The following PXDNL variants were observed in gnomAD, a reference collection of about 807,000 sequenced individuals.
The protein encoded by PXDNL is peroxidasin like.
In PXDNL, 145 loss-of-function variants were observed where a neutral mutation model predicts 150.8. The ratio of observed to expected loss-of-function variants is 0.96; its 90% CI spans 0.84 to 1.10. PXDNL has a LOEUF of 1.10. Among genes scored for constraint, PXDNL ranks in the 50% least tolerant of loss-of-function variants. The pLI, the probability that PXDNL is intolerant of heterozygous loss-of-function variation, is 0.00. For missense variants in PXDNL, 2,087 were observed against 1,873.9 expected (o/e 1.11, Z -2.10); for synonymous variants, 757 against 725.7 (o/e 1.04, Z -0.69).
At chr8:51,409,656 C>G in intron 16 of PXDNL, 95 bp from the exon 17 acceptor site, 1 of 1,028,446 alleles carries the variant, frequency 9.7e-7, no homozygotes, top group East Asian at 2.8e-5. Flanking sequence ...CCTCCCACCC[C>G]GCCCGCCCTG....
intron 1 of PXDNL, among the ~76,000 whole-genome samples, chr8:51,665,002 C>G (rs907658662): frequency 6.6e-6 from 1 of 152,202 alleles, no homozygotes; most frequent in Non-Finnish European, 1.5e-5. Flanking sequence ...TGGGAGCACC[C>G]GCACAGGAGG....
chr8:51,591,030 G>T (rs947229939), intron 3 of PXDNL, among the ~76,000 whole-genome samples: 4 of 152,200 alleles, frequency 2.6e-5, no homozygotes, highest in African/African-American at 9.7e-5. Context: ...CTATTAAGAA[G>T]TGATTAGGTC....
At chr8:51,690,785 C>A (rs7461032) in intron 1 of PXDNL, among the ~76,000 whole-genome samples, 112,072 of 149,972 alleles carry the variant, frequency 0.75, 41,997 homozygotes, top group East Asian at 0.82. Context: ...CAGTCCCACC[C>A]ACAGTGTAAA....
intron 1 of PXDNL, among the ~76,000 whole-genome samples, chr8:51,681,191 G>A (rs1815742892): frequency 6.6e-6 from 1 of 152,098 alleles, no homozygotes; most frequent in South Asian, 2.1e-4. Flanking sequence ...GAAAGAAGGA[G>A]GTTTCTTCAG....
At chr8:51,598,577 C>A (rs904482214) in intron 2 of PXDNL, among the ~76,000 whole-genome samples, 1 of 151,954 alleles carries the variant, frequency 6.6e-6, no homozygotes, top group East Asian at 1.9e-4. Context: ...ATCTTGAATC[C>A]CAGAAATGAA....
chr8:51,715,937 G>A (rs1394427174), intron 1 of PXDNL, among the ~76,000 whole-genome samples: 1 of 152,092 alleles, frequency 6.6e-6, no homozygotes, highest in Non-Finnish European at 1.5e-5. Context: ...CAGTCCACTT[G>A]GAAGAATCTT....
chr8:51,796,700 A>G (rs2037565182), intron 1 of PXDNL, among the ~76,000 whole-genome samples: 1 of 152,230 alleles, frequency 6.6e-6, no homozygotes, highest in Non-Finnish European at 1.5e-5. Flanking sequence ...TCAACAAAAA[A>G]AAGCCCAGGA....
intron 4 of PXDNL, among the ~76,000 whole-genome samples, chr8:51,543,030 A>G (rs1812256555): frequency 6.6e-6 from 1 of 152,212 alleles, no homozygotes; most frequent in South Asian, 2.1e-4. Flanking sequence ...AGGTATTATT[A>G]TTTCAGAATC....
At chr8:51,762,468 C>G (rs1218275998) in intron 1 of PXDNL, among the ~76,000 whole-genome samples, 1 of 152,192 alleles carries the variant, frequency 6.6e-6, no homozygotes, top group East Asian at 1.9e-4. Flanking sequence ...TCTCTGAAGT[C>G]TGCTATCTGA....
intron 1 of PXDNL, among the ~76,000 whole-genome samples, chr8:51,696,853 ACACAGG>A (rs1816158035): frequency 9.4e-6 from 1 of 105,872 alleles, no homozygotes; most frequent in African/African-American, 3.8e-5. Context: ...CCTGACACAC[ACACAGG>A]TCCACACACA....
intron 1 of PXDNL, among the ~76,000 whole-genome samples, chr8:51,740,805 G>A (rs1456799397): frequency 6.6e-6 from 1 of 152,152 alleles, no homozygotes; most frequent in Non-Finnish European, 1.5e-5. Context: ...TCCCGGTGAT[G>A]AAGCTAACTT....
intron 2 of PXDNL, among the ~76,000 whole-genome samples, chr8:51,600,197 T>C (rs568822375): frequency 7.0e-6 from 1 of 142,564 alleles, no homozygotes; most frequent in African/African-American, 2.6e-5. Flanking sequence ...AATTATATCG[T>C]TTAGATAATA....
At chr8:51,691,587 A>C (rs1194550116) in intron 1 of PXDNL, among the ~76,000 whole-genome samples, 4 of 152,234 alleles carry the variant, frequency 2.6e-5, no homozygotes, top group Middle Eastern at 6.8e-3. Context: ...GAAAAAAAAA[A>C]CACCTAAATA....
At chr8:51,377,105 T>TACAC (rs772419401) in intron 17 of PXDNL, among the ~76,000 whole-genome samples, 22,458 of 140,352 alleles carry the variant, frequency 0.16, 1,908 homozygotes, top group East Asian at 0.23. Context: ...CTCTACCCTT[T>TACAC]ACACACACAC....
At chr8:51,589,237 C>T (rs1325799407) in intron 3 of PXDNL, among the ~76,000 whole-genome samples, 1 of 152,132 alleles carries the variant, frequency 6.6e-6, no homozygotes, top group Non-Finnish European at 1.5e-5. Context: ...CTGTAGTGTT[C>T]TCTCACAGTA....
At chr8:51,423,926 TTCTC>T (rs548908903) in intron 13 of PXDNL, among the ~76,000 whole-genome samples, 195 bp from the exon 14 acceptor site, 1 of 152,178 alleles carries the variant, frequency 6.6e-6, no homozygotes, top group African/African-American at 2.4e-5. Flanking sequence ...AGTGTGGTTT[TTCTC>T]TCTCTCTAAT....
intron 4 of PXDNL, among the ~76,000 whole-genome samples, chr8:51,510,722 A>G (rs978580579): frequency 6.6e-6 from 1 of 152,160 alleles, no homozygotes; most frequent in Admixed American, 6.5e-5. Flanking sequence ...GGGGCCGGCC[A>G]CTATGGTTCA....
At chr8:51,431,176 C>T (rs1809237897) in intron 12 of PXDNL, among the ~76,000 whole-genome samples, 1 of 152,146 alleles carries the variant, frequency 6.6e-6, no homozygotes, top group African/African-American at 2.4e-5. Flanking sequence ...TTGCAAATCT[C>T]ACCCCATCTT....
chr8:51,355,272 A>C (rs1205653301), intron 19 of PXDNL, among the ~76,000 whole-genome samples: 2 of 152,230 alleles, frequency 1.3e-5, no homozygotes, highest in East Asian at 3.8e-4. Context: ...AACTTTCATT[A>C]GTTCACAAAC....
Sources: gnomAD v4.1 joint callset for allele counts (sites outside exome capture counted in the v4.1 genomes callset) on GRCh38, gnomAD v4.1.1 for gene constraint, MANE v1.5 for transcripts, NCBI Gene and HGNC (gene_info 2026-07-23, HGNC 2026-07-21) for gene names.